The following RBFOX1 variants were observed in gnomAD, a reference collection of about 807,000 sequenced individuals.
RBFOX1 encodes RNA binding fox-1 homolog 1.
A neutral mutation model predicts 57.7 loss-of-function variants in RBFOX1; 8 were observed. The ratio of observed to expected loss-of-function variants is 0.14; its 90% CI spans 0.08 to 0.25. The LOEUF (loss-of-function observed/expected upper bound fraction) is 0.25. Among genes scored for constraint, RBFOX1 ranks in the 10% least tolerant of loss-of-function variants. RBFOX1 has a pLI of 1.00. For synonymous variants in RBFOX1, 326 were observed against 222.4 expected, an observed-to-expected ratio of 1.47 and a Z score of -4.15; for missense variants, 611 against 548.5, an observed-to-expected ratio of 1.11 and a Z score of -1.14.
chr16:5,534,991 C>T (rs2044639229), intron 2 of RBFOX1, among the ~76,000 whole-genome samples: 1 of 152,206 alleles, frequency 6.6e-6, no homozygotes, highest in African/African-American at 2.4e-5. Flanking sequence ...TGAGTCAGTT[C>T]TGCATGCCTG....
intron 3 of RBFOX1, among the ~76,000 whole-genome samples, chr16:7,001,831 A>G (rs1281209116): frequency 6.6e-6 from 1 of 152,096 alleles, no homozygotes; most frequent in Non-Finnish European, 1.5e-5. Context: ...CATCTTTATT[A>G]TTATTACTTT....
chr16:6,559,133 G>GTA (rs1491110618), intron 2 of RBFOX1, among the ~76,000 whole-genome samples: 1 of 133,528 alleles, frequency 7.5e-6, no homozygotes, highest in Non-Finnish European at 1.6e-5. Context: ...GTGTGTGTGT[G>GTA]TATATACATA....
intron 2 of RBFOX1, among the ~76,000 whole-genome samples, chr16:6,628,560 T>G (rs12599404): frequency 3.3e-5 from 5 of 151,998 alleles, no homozygotes; most frequent in Non-Finnish European, 7.4e-5. Context: ...CCACCTCATT[T>G]TGTTTTTTTA....
At chr16:6,963,680 A>G (rs1431192619) in intron 3 of RBFOX1, among the ~76,000 whole-genome samples, 1 of 152,060 alleles carries the variant, frequency 6.6e-6, no homozygotes, top group Non-Finnish European at 1.5e-5. Flanking sequence ...CAGAGCATAG[A>G]GGATTTATTT....
chr16:6,131,413 A>G (rs1036629249), intron 1 of RBFOX1, among the ~76,000 whole-genome samples: 2 of 152,054 alleles, frequency 1.3e-5, no homozygotes, highest in South Asian at 4.1e-4. Flanking sequence ...GGCAGAAAAA[A>G]CCTAAAATAT....
At chr16:7,107,235 G>A (rs936777155) in intron 4 of RBFOX1, among the ~76,000 whole-genome samples, 1 of 152,132 alleles carries the variant, frequency 6.6e-6, no homozygotes, top group African/African-American at 2.4e-5. Flanking sequence ...TATTAAACCT[G>A]TGGGAGATCA....
At chr16:6,191,177 C>T (rs1228025044) in intron 1 of RBFOX1, among the ~76,000 whole-genome samples, 1 of 145,346 alleles carries the variant, frequency 6.9e-6, no homozygotes, top group Non-Finnish European at 1.5e-5. Context: ...AGTTAAACTA[C>T]AGTCGCCTCC....
intron 3 of RBFOX1, among the ~76,000 whole-genome samples, chr16:7,022,862 C>G (rs1303711779): frequency 2.0e-5 from 3 of 152,154 alleles, no homozygotes; most frequent in East Asian, 1.9e-4. Context: ...GAACAACTGC[C>G]TCCAATGTTC....
At chr16:7,194,954 T>G (rs1847311393) in intron 4 of RBFOX1, among the ~76,000 whole-genome samples, 1 of 149,564 alleles carries the variant, frequency 6.7e-6, no homozygotes, top group Admixed American at 6.7e-5. Context: ...AGTGAAGAAT[T>G]CAAAGACAGC....
chr16:6,896,085 C>G (rs1202612396), intron 3 of RBFOX1, among the ~76,000 whole-genome samples: 1 of 151,994 alleles, frequency 6.6e-6, no homozygotes, highest in Non-Finnish European at 1.5e-5. Context: ...CCAACCTGGC[C>G]AACATGGTGA....
At chr16:5,872,147 A>G (rs1198344508) in intron 4 of RBFOX1, among the ~76,000 whole-genome samples, 1 of 152,230 alleles carries the variant, frequency 6.6e-6, no homozygotes, top group African/African-American at 2.4e-5. Flanking sequence ...CGTTTGAGAA[A>G]GGGGCTGAGC....
At chr16:7,060,954 A>C (rs2054054136) in intron 4 of RBFOX1, among the ~76,000 whole-genome samples, 1 of 152,160 alleles carries the variant, frequency 6.6e-6, no homozygotes, top group African/African-American at 2.4e-5. Context: ...GTAGGTGGTG[A>C]CTTACAGAGA....
At chr16:6,225,284 C>G (rs1265130687) in intron 1 of RBFOX1, among the ~76,000 whole-genome samples, 2 of 152,112 alleles carry the variant, frequency 1.3e-5, no homozygotes, top group African/African-American at 4.8e-5. Flanking sequence ...GTATCAAAAG[C>G]TGCAGGGTTT....
chr16:6,450,420 A>G (rs998686822), intron 2 of RBFOX1, among the ~76,000 whole-genome samples: 2 of 151,802 alleles, frequency 1.3e-5, no homozygotes, highest in African/African-American at 4.8e-5. Context: ...TTTATTGGTT[A>G]TTTATTGGTT....
chr16:7,239,057 G>A (rs1383505451), intron 4 of RBFOX1, among the ~76,000 whole-genome samples: 2 of 152,106 alleles, frequency 1.3e-5, no homozygotes, highest in Non-Finnish European at 2.9e-5. Context: ...GGGCATTTAG[G>A]TTGATTCCAC....
At chr16:6,340,841 C>G (rs564971696) in intron 2 of RBFOX1, among the ~76,000 whole-genome samples, 28 of 152,216 alleles carry the variant, frequency 1.8e-4, no homozygotes, top group African/African-American at 5.8e-4. Flanking sequence ...TATGGAGTTG[C>G]CCTTGTTCAC....
intron 3 of RBFOX1, among the ~76,000 whole-genome samples, chr16:6,678,333 C>T (rs988502231): frequency 6.6e-6 from 1 of 152,028 alleles, no homozygotes; most frequent in Admixed American, 6.6e-5. Flanking sequence ...TCATGTTGGC[C>T]AGGCTGGTTT....
intron 3 of RBFOX1, among the ~76,000 whole-genome samples, chr16:5,638,731 T>G (rs959244221): frequency 6.6e-5 from 10 of 152,306 alleles, no homozygotes; most frequent in African/African-American, 2.4e-4. Context: ...ACACTGGCTC[T>G]CTACATCATA....
Position 7,597,420 on chromosome 16 carries a change from C to T in RBFOX1, c.611C>T (p.Pro204Leu), listed in dbSNP as rs1417087822. 2.5e-6 allele frequency: 4 copies of T among 1,608,710 alleles called. No homozygotes were observed. Among genetic ancestry groups the T allele is most frequent in the African/African-American group, 1.3e-5 (1 of 74,738 alleles). Residue 204 changes from proline to leucine, a missense_variant, in exon 9 of 16, where the codon CCT becomes CTT. Physicochemically the swap from Pro to Leu is moderately conservative, Grantham distance 98. Transcript: ENST00000550418. ...ATGACAAATAAAAAGACCGTCAACC[C>T]TTATACAAATGGTAAGTAGAGATTG... ...RVMTNKKTVN[P>L]YTNGWKLNPV...
Sources: allele counts gnomAD v4.1 joint callset (sites outside exome capture counted in the v4.1 genomes callset), GRCh38; gene constraint gnomAD v4.1.1; transcripts MANE v1.5; gene names NCBI Gene and HGNC (gene_info 2026-07-23, HGNC 2026-07-21).